FUT9: variants seen among roughly 807,000 people sequenced by gnomAD.
The protein encoded by FUT9 is fucosyltransferase 9, also known as 4-galactosyl-N-acetylglucosaminide 3-alpha-L-fucosyltransferase 9.
Under a neutral mutation model 29.7 loss-of-function variants are expected in FUT9, and 15 were observed. That is an observed-to-expected ratio of 0.51 (90% CI 0.34 to 0.78). FUT9 has a LOEUF of 0.78. Among genes scored for constraint, FUT9 ranks in the 30% least tolerant of loss-of-function variants. The probability of loss-of-function intolerance (pLI) is 0.01; values close to 1 mark genes in which losing one functional copy is unlikely to be tolerated. For missense variants in FUT9, 319 were observed against 425.4 expected (o/e 0.75, Z 2.20); for synonymous variants, 169 against 153.7 (o/e 1.10, Z -0.74).
At chr6:96,123,911 G>A (rs532049883) in intron 2 of FUT9, among the ~76,000 whole-genome samples, 2 of 151,816 alleles carry the variant, frequency 1.3e-5, no homozygotes, top group South Asian at 2.1e-4. Flanking sequence ...TCTTCTGCTT[G>A]AGAAATACTG....
At chr6:96,116,396 A>C (rs1331010949) in intron 2 of FUT9, among the ~76,000 whole-genome samples, 1 of 152,238 alleles carries the variant, frequency 6.6e-6, no homozygotes, top group Non-Finnish European at 1.5e-5. Context: ...TTAAATGCTT[A>C]CTTAATATAT....
chr6:96,033,626 G>T (rs1770301327), intron 1 of FUT9, among the ~76,000 whole-genome samples: 1 of 151,550 alleles, frequency 6.6e-6, no homozygotes, highest in African/African-American at 2.4e-5. Flanking sequence ...AAATTTTATT[G>T]ACATAGACCA....
At chr6:96,128,989 G>A (rs9377401) in intron 2 of FUT9, among the ~76,000 whole-genome samples, 55,172 of 151,338 alleles carry the variant, frequency 0.36, 10,513 homozygotes, top group East Asian at 0.69. Flanking sequence ...CGGGTGTGGT[G>A]GCTCATGCCT....
chr6:96,047,347 CT>C (rs1770581817), intron 1 of FUT9, among the ~76,000 whole-genome samples: 1 of 152,152 alleles, frequency 6.6e-6, no homozygotes, highest in African/African-American at 2.4e-5. Flanking sequence ...ACATTTGCCT[CT>C]GCTTCTAGGT....
At chr6:96,076,720 G>C (rs568358477) in intron 1 of FUT9, among the ~76,000 whole-genome samples, 3 of 152,260 alleles carry the variant, frequency 2.0e-5, no homozygotes, top group African/African-American at 7.2e-5. Context: ...ACATAGGCAT[G>C]TTGTAACACT....
At chr6:96,125,002 G>C (rs1056601820) in intron 2 of FUT9, among the ~76,000 whole-genome samples, 1 of 152,066 alleles carries the variant, frequency 6.6e-6, no homozygotes, top group Non-Finnish European at 1.5e-5. Context: ...TGCATTCTAG[G>C]TTCAGACAGA....
At chr6:96,048,425 T>C (rs1770604154) in intron 1 of FUT9, among the ~76,000 whole-genome samples, 1 of 152,126 alleles carries the variant, frequency 6.6e-6, no homozygotes, top group Non-Finnish European at 1.5e-5. Flanking sequence ...TGCCTACCAC[T>C]GTTACTCAAT....
intron 2 of FUT9, among the ~76,000 whole-genome samples, chr6:96,135,529 C>A (rs1772330959): frequency 6.6e-6 from 1 of 151,632 alleles, no homozygotes; most frequent in African/African-American, 2.4e-5. Context: ...CATGATTCAA[C>A]ATAAAAGGAA....
At chr6:96,136,249 T>C (rs996567345) in intron 2 of FUT9, among the ~76,000 whole-genome samples, 18 of 151,898 alleles carry the variant, frequency 1.2e-4, no homozygotes, top group Non-Finnish European at 2.9e-5. Flanking sequence ...AAGTCATTTG[T>C]CTTGACTTCC....
intron 1 of FUT9, among the ~76,000 whole-genome samples, chr6:96,110,888 C>A (rs1771793931): frequency 1.3e-5 from 2 of 149,506 alleles, no homozygotes; most frequent in Non-Finnish European, 3.0e-5. Context: ...GTCTTGAACT[C>A]CTGCCCTTAA....
intron 1 of FUT9, among the ~76,000 whole-genome samples, chr6:96,055,348 A>G (rs1419573994): frequency 1.3e-5 from 2 of 151,432 alleles, no homozygotes; most frequent in African/African-American, 2.4e-5. Flanking sequence ...TAACTAGGAT[A>G]ATAATTTAAA....
In FUT9 at chr6:96,019,136, T is replaced by G. The variant is rs146499569; in HGVS notation, c.-98+2924T>G. ...ATCAGAGGCAAACCATTTTGTGTAA[T>G]CCAATTGATGAATTGAACTAAATAA... On this transcript the variant is annotated intron_variant, in intron 1 of 2. Coordinates refer to ENST00000302103, the MANE Select transcript of FUT9 (RefSeq NM_006581.4). Among the ~76,000 whole-genome samples the G allele has an allele frequency of 5.3e-5, 8 of 151,978 alleles. No homozygotes were observed. The East Asian group carries it at 1.4e-3, about 26-fold the overall frequency.
rs35995545 is a variant in FUT9, at chr6:96,088,530, TTG to T, written c.-97-25472_-97-25471del. Reference sequence around the variant, plus strand: ...CTGTATGATTCTCTGTTTGTTTGTTTTGTGTGTGTGTGTGTGTGTGTGTGTGT... The same window carrying T: ...CTGTATGATTCTCTGTTTGTTTGTTTTGTGTGTGTGTGTGTGTGTGTGTGT... On this transcript the variant is annotated intron_variant, in intron 1 of 2. Coordinates refer to ENST00000302103, the MANE Select transcript of FUT9 (RefSeq NM_006581.4). 9.6e-3 allele frequency among the ~76,000 whole-genome samples: 1,433 copies of T among 148,804 alleles called. 17 individuals are homozygous for T. The highest frequency in any genetic ancestry group is 0.029 in the African/African-American group (1,184 of 40,138).
chr6:96,044,248 G>A (rs1770519793), intron 1 of FUT9, among the ~76,000 whole-genome samples: 1 of 152,156 alleles, frequency 6.6e-6, no homozygotes, highest in Non-Finnish European at 1.5e-5. Flanking sequence ...GATTCCTTGA[G>A]CAAAGATAGC....
intron 2 of FUT9, among the ~76,000 whole-genome samples, chr6:96,196,373 G>A (rs1277900377): frequency 1.3e-5 from 2 of 152,178 alleles, no homozygotes; most frequent in African/African-American, 4.8e-5. Context: ...AGAATGGACA[G>A]TCATATGGAA....
chr6:96,062,569 T>G (rs1770894785), intron 1 of FUT9, among the ~76,000 whole-genome samples: 1 of 152,052 alleles, frequency 6.6e-6, no homozygotes, highest in Non-Finnish European at 1.5e-5. Flanking sequence ...TATTGACATT[T>G]TTAGATAAAT....
At chr6:96,060,962 T>G (rs991783718) in intron 1 of FUT9, among the ~76,000 whole-genome samples, 14 of 152,202 alleles carry the variant, frequency 9.2e-5, no homozygotes, top group Middle Eastern at 3.2e-3. Context: ...GTAAATCTGT[T>G]GCCATTTTAG....
At chr6:96,130,549 G>A (rs1772222694) in intron 2 of FUT9, among the ~76,000 whole-genome samples, 1 of 152,086 alleles carries the variant, frequency 6.6e-6, no homozygotes, top group Non-Finnish European at 1.5e-5. Context: ...AAATTCTGTA[G>A]ATTAACTGCA....
At chr6:96,102,397 TA>T (rs1771603317) in intron 1 of FUT9, among the ~76,000 whole-genome samples, 1 of 152,184 alleles carries the variant, frequency 6.6e-6, no homozygotes, top group Non-Finnish European at 1.5e-5. Flanking sequence ...GTTTTGTTTT[TA>T]CTGAGATAAT....
Sources: gnomAD v4.1 joint callset for allele counts (sites outside exome capture counted in the v4.1 genomes callset) on GRCh38, gnomAD v4.1.1 for gene constraint, MANE v1.5 for transcripts, NCBI Gene and HGNC (gene_info 2026-07-23, HGNC 2026-07-21) for gene names.